Variants in SERPINE3 observed in about 807,000 individuals in gnomAD.
SERPINE3 encodes the protein serpin E3.
A neutral mutation model predicts 41.7 loss-of-function variants in SERPINE3; 43 were observed. That is an observed-to-expected ratio of 1.03 (90% CI 0.81 to 1.33). The LOEUF is 1.33. Ranked by LOEUF, SERPINE3 falls within the 40% of genes most tolerant of loss-of-function variation. The pLI is 0.00. For missense variants in SERPINE3, 440 were observed against 491.7 expected, an observed-to-expected ratio of 0.89 and a Z score of 0.99; for synonymous variants, 200 against 192.2, an observed-to-expected ratio of 1.04 and a Z score of -0.34.
chr13:51,363,930 A>G (rs1292355516), intron 9 of SERPINE3: 1 of 199,182 alleles, frequency 5.0e-6, no homozygotes, highest in Non-Finnish European at 1.0e-5. Context: ...AAAGCTGCTC[A>G]ATATTGGGAT....
chr13:51,351,121 AT>A (rs1323637942), intron 6 of SERPINE3, among the ~76,000 whole-genome samples: 1 of 152,054 alleles, frequency 6.6e-6, no homozygotes, highest in Non-Finnish European at 1.5e-5. Flanking sequence ...TCAAGTGCAC[AT>A]TTTTTTGTGT....
At position 51,364,215 on chromosome 13, in the gene SERPINE3, T is replaced by C. The variant is rs757778340; in HGVS notation, c.1172-24T>C. 20 of 1,296,722 alleles carry C rather than the reference T, an allele frequency of 1.5e-5. 1 individual carries two copies. The South Asian group carries it at 2.5e-4, about 16-fold the overall frequency. The allele number at this position is 1,296,722 out of a possible 1,614,324, so 80.3% of individuals were successfully genotyped here. The stretch of plus-strand genomic sequence containing the variant: ...CTGCATATGAAAATACTATATAATA[T>C]TAAATTCTTCTTTTTCTTGACAGGG... On this transcript the variant is annotated intron_variant, in intron 9 of 9. Transcript: ENST00000681248.
intron 6 of SERPINE3, among the ~76,000 whole-genome samples, chr13:51,350,436 T>C (rs1955393247): frequency 6.6e-6 from 1 of 152,170 alleles, no homozygotes; most frequent in Admixed American, 6.5e-5. Flanking sequence ...CAAATATGTA[T>C]GTAATGAATA....
chr13:51,364,346 C>A lies in SERPINE3; in HGVS notation c.*64C>A. On this transcript the variant is annotated 3_prime_UTR_variant, in exon 10 of 10. Transcript: ENST00000681248. ...AAGTTATAATTTCATTTTGCTATAC[C>A]CTTGAAATTTAAAAAAATGTCTGAT... 1 of 917,268 alleles carries A rather than the reference C, an allele frequency of 1.1e-6. No homozygotes were observed. The highest frequency in any genetic ancestry group is 1.7e-5 in the African/African-American group (1 of 58,242). The allele number at this position is 917,268 out of a possible 1,614,324, so 56.8% of individuals were successfully genotyped here.
At chr13:51,358,122 G>A (rs1342223966) in intron 7 of SERPINE3, among the ~76,000 whole-genome samples, 1 of 152,018 alleles carries the variant, frequency 6.6e-6, no homozygotes, top group Non-Finnish European at 1.5e-5. Context: ...ATTCTTCTTA[G>A]CACTCTCTCT....
At chr13:51,352,420 T>A (rs570011959) in intron 6 of SERPINE3, among the ~76,000 whole-genome samples, 1 of 152,186 alleles carries the variant, frequency 6.6e-6, no homozygotes, top group East Asian at 1.9e-4. Context: ...GATTTTTGTA[T>A]CTTAATCTTG....
At chr13:51,347,355 C>A (rs1955358027) in intron 5 of SERPINE3, 121 bp downstream of exon 5, 7 of 819,918 alleles carry the variant, frequency 8.5e-6, no homozygotes, top group Non-Finnish European at 1.4e-5. Context: ...GGTCCATCTG[C>A]TGGACTGGGC....
At chr13:51,361,678 A>G (rs1429665673) in intron 8 of SERPINE3, 132 bp from the exon 9 acceptor site, 36 of 793,648 alleles carry the variant, frequency 4.5e-5, no homozygotes, top group Non-Finnish European at 6.6e-5. Context: ...CTGCACCCCC[A>G]TCACAACAGT....
rs752498495 is a variant in SERPINE3 at position 51,346,971 on chromosome 13, G to A, written c.491-54G>A. On this transcript the variant is annotated intron_variant, in intron 4 of 9. Transcript: ENST00000681248. The stretch of plus-strand genomic sequence containing the variant: ...CCTTGTCCGCACACACACTGGGTTC[G>A]GTTCAGTTTCAATGCACATTTAACC... 27 of 1,338,414 alleles carry A rather than the reference G, an allele frequency of 2.0e-5. No individual in the cohort carries two copies. In the Admixed American group the frequency reaches 3.7e-4, roughly 19 times the overall value. The allele number at this position is 1,338,414 out of a possible 1,614,324, so 82.9% of individuals were successfully genotyped here. A position where few individuals can be genotyped will look rare whatever the true frequency, so the allele number is the denominator to read the frequency against.
Position 51,363,966 on chromosome 13 carries a change from CTTG to C in SERPINE3, c.1172-270_1172-268del, listed in dbSNP as rs558755554. On this transcript the variant is annotated intron_variant, in intron 9 of 9. Coordinates refer to ENST00000681248, the MANE Select transcript of SERPINE3 (RefSeq NM_001386375.1). ...GGGCTGAATCTCTTTCCTAGATACT[CTTG>C]TTAAGTATGAATTTTTATCTGAATG... is the stretch of plus-strand genomic sequence containing the variant. 748 of 244,186 alleles carry C rather than the reference CTTG, an allele frequency of 3.1e-3. 3 individuals carry two copies. Among genetic ancestry groups the C allele is most frequent in the Non-Finnish European group, 4.2e-3 (547 of 130,216 alleles). The allele number at this position is 244,186 out of a possible 1,614,324, so 15.1% of individuals were successfully genotyped here.
chr13:51,347,364 G>C (rs377721346), intron 5 of SERPINE3, 130 bp downstream of exon 5: 2 of 761,582 alleles, frequency 2.6e-6, no homozygotes, highest in Admixed American at 2.4e-5. Flanking sequence ...GCTGGACTGG[G>C]CATGCATGGC....
intron 7 of SERPINE3, among the ~76,000 whole-genome samples, chr13:51,358,276 T>G (rs952672737): frequency 3.3e-5 from 5 of 152,138 alleles, no homozygotes; most frequent in African/African-American, 1.2e-4. Flanking sequence ...TAACACTGGC[T>G]ACAGCAAATA....
At chr13:51,358,061 G>A (rs908861738) in intron 7 of SERPINE3, among the ~76,000 whole-genome samples, 28 of 152,002 alleles carry the variant, frequency 1.8e-4, no homozygotes, top group Admixed American at 1.3e-4. Flanking sequence ...GGCTAGAGGA[G>A]ACAAATGGAG....
At chr13:51,357,118 T>TG (rs1955492611) in intron 7 of SERPINE3, among the ~76,000 whole-genome samples, 1 of 152,182 alleles carries the variant, frequency 6.6e-6, no homozygotes, top group Admixed American at 6.6e-5. Flanking sequence ...AGACACCATA[T>TG]GGCTTGCAGT....
At chr13:51,355,197 T>C (rs1955461207) in intron 7 of SERPINE3, 54 bp downstream of exon 7, 1 of 859,340 alleles carries the variant, frequency 1.2e-6, no homozygotes, top group Non-Finnish European at 1.9e-6. Context: ...GGCAGTTTTA[T>C]CATACTTTGA....
intron 2 of SERPINE3, 90 bp downstream of exon 2, chr13:51,340,951 A>C: frequency 1.1e-6 from 1 of 885,514 alleles, no homozygotes; most frequent in Non-Finnish European, 1.7e-6. Flanking sequence ...AGCTCAATGC[A>C]TCTCTCCCTC....
intron 6 of SERPINE3, among the ~76,000 whole-genome samples, chr13:51,352,406 AATTG>A (rs1955413508): frequency 6.6e-6 from 1 of 151,428 alleles, no homozygotes; most frequent in Non-Finnish European, 1.5e-5. Context: ...ATACAAACAC[AATTG>A]ATTTTTGTAT....
intron 9 of SERPINE3, chr13:51,362,275 T>C (rs1955593618): frequency 2.9e-6 from 1 of 339,538 alleles, no homozygotes; most frequent in Non-Finnish European, 5.3e-6. Flanking sequence ...TTCAGGTCAC[T>C]AGAGTACACC....
chr13:51,345,324 C>T (rs1955335375), intron 4 of SERPINE3, among the ~76,000 whole-genome samples: 1 of 152,104 alleles, frequency 6.6e-6, no homozygotes, highest in Non-Finnish European at 1.5e-5. Flanking sequence ...ATTCAAGACC[C>T]AGTGTTGGTT....
Sources: gnomAD v4.1 joint callset for allele counts (sites outside exome capture counted in the v4.1 genomes callset) on GRCh38, gnomAD v4.1.1 for gene constraint, MANE v1.5 for transcripts, NCBI Gene and HGNC (gene_info 2026-07-23, HGNC 2026-07-21) for gene names.